The following HECW2 variants were observed in gnomAD, a reference collection of about 807,000 sequenced individuals.
HECW2 encodes HECT, C2 and WW domain containing E3 ubiquitin protein ligase 2.
In HECW2, 61 loss-of-function variants were observed where a neutral mutation model predicts 175.2. The ratio of observed to expected loss-of-function variants is 0.35; its 90% CI spans 0.28 to 0.43. HECW2 has a LOEUF of 0.43. Ranked by LOEUF, HECW2 falls within the 20% of genes least tolerant of loss-of-function variation. The pLI, the probability that HECW2 is intolerant of heterozygous loss-of-function variation, is 1.00. For missense variants in HECW2, 1,524 were observed against 2,000.5 expected (o/e 0.76, Z 4.54); for synonymous variants, 671 against 731.0 (o/e 0.92, Z 1.32).
chr2:196,493,498 T>C (rs1258787528), intron 1 of HECW2: 1 of 152,242 alleles, frequency 6.6e-6, no homozygotes, highest in Non-Finnish European at 1.5e-5. Flanking sequence ...GTGTATTAGA[T>C]ATTATCCATC....
At chr2:196,357,068 T>A (rs1174527358) in intron 2 of HECW2, among the ~76,000 whole-genome samples, 3 of 152,174 alleles carry the variant, frequency 2.0e-5, no homozygotes, top group African/African-American at 4.8e-5. Context: ...GGAAGTGACA[T>A]GATCTGCATT....
rs149482671 is a variant in HECW2, at chr2:196,500,916, AACAAAGCCCCC to A, written c.-35-67469_-35-67459del. Among the ~76,000 whole-genome samples the A allele has an allele frequency of 3.6e-4, 55 of 152,326 alleles. 1 individual carries two copies. Among genetic ancestry groups the A allele is most frequent in the African/African-American group, 1.3e-3 (55 of 41,568 alleles). On this transcript the variant is annotated intron_variant, in intron 1 of 28. Coordinates refer to ENST00000644978, the MANE Select transcript of HECW2 (RefSeq NM_001348768.2). Reference sequence around the variant, plus strand: ...GTCAAGGCAGGCTTGATTGGAGGGAAACAAAGCCCCCACATGGAAGGCAAGATTCCAACAGT... The same window carrying A: ...GTCAAGGCAGGCTTGATTGGAGGGAAACATGGAAGGCAAGATTCCAACAGT...
chr2:196,542,869 CTAATATA>C (rs944721609), intron 1 of HECW2, among the ~76,000 whole-genome samples: 14 of 146,594 alleles, frequency 9.6e-5, no homozygotes, highest in African/African-American at 3.2e-4. Flanking sequence ...TATTACATAT[CTAATATA>C]TATCTATATA....
intron 2 of HECW2, among the ~76,000 whole-genome samples, chr2:196,412,265 A>G (rs1695134960): frequency 6.6e-6 from 1 of 152,162 alleles, no homozygotes; most frequent in African/African-American, 2.4e-5. Context: ...AATCTGTTCT[A>G]AGCCTCTTTC....
intron 2 of HECW2, among the ~76,000 whole-genome samples, chr2:196,368,103 G>A (rs1368063397): frequency 2.0e-5 from 3 of 151,924 alleles, no homozygotes; most frequent in Admixed American, 6.6e-5. Flanking sequence ...ATATCTCTTC[G>A]ATATGCTGAT....
At chr2:196,540,851 G>T (rs1385174948) in intron 1 of HECW2, among the ~76,000 whole-genome samples, 1 of 152,064 alleles carries the variant, frequency 6.6e-6, no homozygotes, top group East Asian at 1.9e-4. Flanking sequence ...TTCTCCATAG[G>T]ATAATCATAC....
At chr2:196,459,100 A>C (rs1445672193) in intron 1 of HECW2, among the ~76,000 whole-genome samples, 1 of 152,246 alleles carries the variant, frequency 6.6e-6, no homozygotes, top group Non-Finnish European at 1.5e-5. Context: ...TCAGCACAAG[A>C]AACACCACAA....
At chr2:196,589,041 A>C (rs1691087740) in intron 1 of HECW2, among the ~76,000 whole-genome samples, 1 of 152,016 alleles carries the variant, frequency 6.6e-6, no homozygotes, top group African/African-American at 2.4e-5. Context: ...TCTACTAAAA[A>C]CACAAAAATT....
intron 1 of HECW2, among the ~76,000 whole-genome samples, chr2:196,450,830 A>C (rs1426715015): frequency 2.0e-5 from 3 of 152,126 alleles, no homozygotes. Context: ...ATAAATGCTG[A>C]AATTTGAGAA....
At chr2:196,292,408 CACAA>C in intron 14 of HECW2, 153 bp downstream of exon 14, 1 of 627,090 alleles carries the variant, frequency 1.6e-6, no homozygotes, top group Non-Finnish European at 2.8e-6. Flanking sequence ...TGTTTGTGGT[CACAA>C]ACAACCTGCT....
At chr2:196,582,934 T>C (rs536920987) in intron 1 of HECW2, among the ~76,000 whole-genome samples, 6 of 152,306 alleles carry the variant, frequency 3.9e-5, no homozygotes, top group South Asian at 2.1e-4. Flanking sequence ...TTCCTTTTGA[T>C]GAAGTGTGTC....
At chr2:196,387,533 A>T (rs192767743) in intron 2 of HECW2, among the ~76,000 whole-genome samples, 22 of 152,276 alleles carry the variant, frequency 1.4e-4, no homozygotes, top group Admixed American at 1.4e-3. Context: ...CGGAGAAAGA[A>T]ATTTCTGTTG....
intron 1 of HECW2, among the ~76,000 whole-genome samples, chr2:196,478,372 T>G (rs1686731034): frequency 6.6e-6 from 1 of 152,222 alleles, no homozygotes. Context: ...ATGAGTCTCC[T>G]GGCTGCTGGT....
At chr2:196,264,154 A>G (rs558421985) in intron 17 of HECW2, 53 of 152,210 alleles carry the variant, frequency 3.5e-4, no homozygotes, top group African/African-American at 8.4e-4. Context: ...TTATTTAAAT[A>G]TAAGTAAAAA....
chr2:196,477,911 A>G (rs1487923633), intron 1 of HECW2, among the ~76,000 whole-genome samples: 11 of 152,176 alleles, frequency 7.2e-5, no homozygotes, highest in African/African-American at 2.6e-4. Context: ...AATTAGCCGA[A>G]CATGGTGGCA....
At chr2:196,565,840 G>T (rs1444022909) in intron 1 of HECW2, among the ~76,000 whole-genome samples, 4 of 152,110 alleles carry the variant, frequency 2.6e-5, no homozygotes, top group Non-Finnish European at 5.9e-5. Flanking sequence ...GACAAATAAT[G>T]TATAGTACAT....
intron 2 of HECW2, among the ~76,000 whole-genome samples, chr2:196,344,775 G>C (rs991946340): frequency 2.6e-5 from 4 of 152,176 alleles, no homozygotes; most frequent in African/African-American, 7.2e-5. Flanking sequence ...GAAGGATTAA[G>C]GTTGCACTTT....
chr2:196,465,969 T>C (rs751705445), intron 1 of HECW2, among the ~76,000 whole-genome samples: 1 of 152,176 alleles, frequency 6.6e-6, no homozygotes, highest in Non-Finnish European at 1.5e-5. Context: ...TGTCCAAATA[T>C]GTAGCTACAA....
chr2:196,225,683 TAAAC>T (rs1270871068), intron 23 of HECW2, 85 bp downstream of exon 23: 1 of 798,260 alleles, frequency 1.3e-6, no homozygotes, highest in South Asian at 1.5e-5. Flanking sequence ...TGTGAACAGA[TAAAC>T]AATGACTTTG....
Sources: allele counts gnomAD v4.1 joint callset (sites outside exome capture counted in the v4.1 genomes callset), GRCh38; gene constraint gnomAD v4.1.1; transcripts MANE v1.5; gene names NCBI Gene and HGNC (gene_info 2026-07-23, HGNC 2026-07-21).